Variants in NUDT3 observed in about 807,000 individuals in gnomAD.
NUDT3 encodes nudix hydrolase 3.
A neutral mutation model predicts 23.6 loss-of-function variants in NUDT3; 9 were observed. That is an observed-to-expected ratio of 0.38 (90% CI 0.23 to 0.66). The LOEUF (loss-of-function observed/expected upper bound fraction) is 0.66, where lower values mean the gene tolerates loss of function less well. Ranked by LOEUF, NUDT3 falls within the 30% of genes least tolerant of loss-of-function variation. NUDT3 has a pLI of 0.52. For synonymous variants in NUDT3, 86 were observed against 82.6 expected, an observed-to-expected ratio of 1.04 and a Z score of -0.22; for missense variants, 172 against 218.5, an observed-to-expected ratio of 0.79 and a Z score of 1.34.
chr6:34,322,774 T>C (rs776772436), intron 2 of NUDT3, among the ~76,000 whole-genome samples: 4 of 152,226 alleles, frequency 2.6e-5, no homozygotes, highest in South Asian at 2.1e-4. Context: ...GACAATGGTA[T>C]GTGGTTATGT....
chr6:34,309,149 G>T (rs1035295967), intron 2 of NUDT3, among the ~76,000 whole-genome samples: 2 of 152,114 alleles, frequency 1.3e-5, no homozygotes, highest in South Asian at 4.1e-4. Context: ...GGGAGGCCAA[G>T]ATGGGAGGAT....
At position 34,284,659 on chromosome 6, in the gene NUDT3, C is replaced by G. The variant is rs1763314248; in HGVS notation, c.*4094G>C. 1 of 151,418 alleles carries G rather than the reference C, an allele frequency of 6.6e-6. No homozygotes were observed. Among genetic ancestry groups the G allele is most frequent in the Non-Finnish European group, 1.5e-5 (1 of 67,950 alleles). 9.4% of individuals were successfully genotyped at this position (151,418 alleles called of 1,614,324 possible). On this transcript the variant is annotated 3_prime_UTR_variant, in exon 5 of 5. Transcript: ENST00000607016. ...ATGTACACTCAGGTCTAACAAATAC[C>G]TATTATTTCTCTGGTTAAGAAGGTT...
chr6:34,356,801 G>A (rs7745407), intron 1 of NUDT3, among the ~76,000 whole-genome samples: 1,608 of 151,704 alleles, frequency 0.011, 26 homozygotes, highest in African/African-American at 0.035. Flanking sequence ...TTCTTTTGAC[G>A]GAGTCTCGCT....
intron 2 of NUDT3, among the ~76,000 whole-genome samples, chr6:34,335,524 C>T (rs1331678794): frequency 6.6e-6 from 1 of 151,816 alleles, no homozygotes; most frequent in South Asian, 2.1e-4. Context: ...TTTTGTAATG[C>T]TTACAAGAAT....
chr6:34,333,968 T>C (rs56948313), intron 2 of NUDT3, among the ~76,000 whole-genome samples: 2,436 of 152,286 alleles, frequency 0.016, 64 homozygotes, highest in African/African-American at 0.056. Context: ...ATAAAAGCAG[T>C]AAGCTAAGAG....
At chr6:34,302,801 C>A (rs928557263) in intron 2 of NUDT3, among the ~76,000 whole-genome samples, 1 of 152,088 alleles carries the variant, frequency 6.6e-6, no homozygotes, top group Non-Finnish European at 1.5e-5. Context: ...AGTCACATAT[C>A]TTTTCTAATT....
At chr6:34,379,403 T>C (rs1307625766) in intron 1 of NUDT3, among the ~76,000 whole-genome samples, 2 of 151,380 alleles carry the variant, frequency 1.3e-5, no homozygotes, top group African/African-American at 2.4e-5. Flanking sequence ...CCACTAAAAA[T>C]ACAAAAATTA....
At chr6:34,343,856 C>T (rs533926595) in intron 1 of NUDT3, among the ~76,000 whole-genome samples, 2 of 152,218 alleles carry the variant, frequency 1.3e-5, no homozygotes, top group South Asian at 4.1e-4. Context: ...AATACAGGTC[C>T]AGTATCTAAA....
At chr6:34,392,113 C>G in intron 1 of NUDT3, 151 bp downstream of exon 1, 1 of 600,744 alleles carries the variant, frequency 1.7e-6, no homozygotes, top group Admixed American at 3.5e-5. Flanking sequence ...CTCCTTCCCC[C>G]TTTTTTCGCC....
intron 2 of NUDT3, among the ~76,000 whole-genome samples, chr6:34,322,226 C>G (rs1362609139): frequency 6.6e-6 from 1 of 151,556 alleles, no homozygotes; most frequent in Non-Finnish European, 1.5e-5. Flanking sequence ...AGACAACTAC[C>G]CTGGACTCTT....
intron 2 of NUDT3, among the ~76,000 whole-genome samples, chr6:34,328,386 T>C (rs760462062): frequency 3.3e-5 from 5 of 152,242 alleles, no homozygotes; most frequent in Non-Finnish European, 7.3e-5. Flanking sequence ...AGCCAAGTTT[T>C]ATCACTTGAT....
chr6:34,356,759 A>T (rs1764567064), intron 1 of NUDT3, among the ~76,000 whole-genome samples: 1 of 152,070 alleles, frequency 6.6e-6, no homozygotes, highest in Non-Finnish European at 1.5e-5. Context: ...ATTTTTAGGT[A>T]TAATTATGGA....
intron 2 of NUDT3, among the ~76,000 whole-genome samples, chr6:34,338,636 G>A (rs1764245356): frequency 6.6e-6 from 1 of 152,178 alleles, no homozygotes; most frequent in Non-Finnish European, 1.5e-5. Context: ...ACTCTGAACT[G>A]GATTCTGTCA....
chr6:34,315,034 T>G (rs1043158080), intron 2 of NUDT3, among the ~76,000 whole-genome samples: 1 of 152,200 alleles, frequency 6.6e-6, no homozygotes, highest in Admixed American at 6.5e-5. Context: ...GGACACCTTC[T>G]GCAGGGGAGA....
intron 1 of NUDT3, among the ~76,000 whole-genome samples, chr6:34,348,793 A>G (rs1480662440): frequency 6.6e-6 from 1 of 151,638 alleles, no homozygotes; most frequent in African/African-American, 2.4e-5. Context: ...AAATAGAAAG[A>G]AACAAAAGAA....
intron 1 of NUDT3, among the ~76,000 whole-genome samples, chr6:34,352,215 A>G (rs926116157): frequency 6.6e-6 from 1 of 151,934 alleles, no homozygotes; most frequent in Non-Finnish European, 1.5e-5. Flanking sequence ...CCCATGCTGG[A>G]CTGCACTGGT....
chr6:34,310,218 G>C (rs1396558815), intron 2 of NUDT3, among the ~76,000 whole-genome samples: 1 of 151,974 alleles, frequency 6.6e-6, no homozygotes, highest in Non-Finnish European at 1.5e-5. Flanking sequence ...GGGTGACAGA[G>C]CAAGACCCTG....
intron 2 of NUDT3, among the ~76,000 whole-genome samples, chr6:34,331,323 T>C (rs59153847): frequency 0.016 from 2,477 of 152,112 alleles, 66 homozygotes; most frequent in African/African-American, 0.057. Flanking sequence ...TCTTTTTAAG[T>C]TGTCCATGAC....
chr6:34,355,681 T>C (rs1265669201), intron 1 of NUDT3, among the ~76,000 whole-genome samples: 1 of 116,162 alleles, frequency 8.6e-6, no homozygotes, highest in African/African-American at 3.4e-5. Flanking sequence ...GCCCTACAGC[T>C]GTTTTTTTGG....
Sources: gnomAD v4.1 joint callset for allele counts (sites outside exome capture counted in the v4.1 genomes callset) on GRCh38, gnomAD v4.1.1 for gene constraint, MANE v1.5 for transcripts, NCBI Gene and HGNC (gene_info 2026-07-23, HGNC 2026-07-21) for gene names.